SCN9A: variants seen among roughly 807,000 people sequenced by gnomAD.
SCN9A encodes the protein sodium channel protein type 9 subunit alpha.
SCN9A carries 131 observed loss-of-function variants against 187.0 expected under a neutral mutation model. That is an observed-to-expected ratio of 0.70 (90% CI 0.61 to 0.81). SCN9A has a LOEUF of 0.81. Ranked by LOEUF, SCN9A falls within the 30% of genes least tolerant of loss-of-function variation. SCN9A has a pLI of 0.00. For synonymous variants in SCN9A, 809 were observed against 808.6 expected, an observed-to-expected ratio of 1.00 and a Z score of -0.01; for missense variants, 2,252 against 2,396.6, an observed-to-expected ratio of 0.94 and a Z score of 1.26.
chr2:166,211,857 G>A (rs774292536), intron 24 of SCN9A, among the ~76,000 whole-genome samples: 5 of 151,784 alleles, frequency 3.3e-5, no homozygotes, highest in Non-Finnish European at 5.9e-5. Flanking sequence ...GAGAGAAAAA[G>A]ACAGAAAAAA....
intron 17 of SCN9A, among the ~76,000 whole-genome samples, chr2:166,253,928 T>C (rs1696156617): frequency 1.3e-5 from 2 of 151,848 alleles, no homozygotes; most frequent in African/African-American, 2.4e-5. Flanking sequence ...TGATTCTTAT[T>C]TGCAGAATTC....
chr2:166,228,288 G>A (rs576847601), intron 22 of SCN9A, among the ~76,000 whole-genome samples: 2 of 113,498 alleles, frequency 1.8e-5, no homozygotes, highest in African/African-American at 3.7e-5. Flanking sequence ...CAAGAGTCTC[G>A]CTCTGTAGCC....
intron 1 of SCN9A, among the ~76,000 whole-genome samples, chr2:166,365,252 A>G (rs1700386901): frequency 6.6e-6 from 1 of 152,228 alleles, no homozygotes; most frequent in Admixed American, 6.5e-5. Context: ...TTACATATAC[A>G]TAAATAGTAA....
Position 166,288,436 on chromosome 2 carries a change from C to A in SCN9A, c.1314+1G>T, listed in dbSNP as rs1295192882. 1.1e-5 allele frequency: 18 copies of A among 1,604,714 alleles called. No individual in the cohort carries two copies. Among genetic ancestry groups the A allele is most frequent in the Admixed American group, 1.7e-5 (1 of 59,828 alleles). On this transcript the variant is annotated splice_donor_variant, in intron 10 of 26. Coordinates refer to ENST00000642356, the MANE Select transcript of SCN9A (RefSeq NM_001365536.1). LOFTEE classifies it high-confidence loss of function. The stretch of plus-strand genomic sequence containing the variant: ...AAGAATTTTAAATCAAATAACAGTA[C>A]CTCAGCTTCTTCTTGCTCTTTTTTA...
At chr2:166,366,224 GTTTT>G (rs913919627) in intron 1 of SCN9A, among the ~76,000 whole-genome samples, 59 of 152,070 alleles carry the variant, frequency 3.9e-4, no homozygotes, top group African/African-American at 1.4e-3. Flanking sequence ...CTTTAACTTT[GTTTT>G]TTCTTATCTG....
intron 1 of SCN9A, among the ~76,000 whole-genome samples, chr2:166,367,153 A>G (rs539165024): frequency 6.6e-6 from 1 of 152,238 alleles, no homozygotes; most frequent in Admixed American, 6.5e-5. Context: ...ATCCTGCACA[A>G]GATCACTTTG....
At chr2:166,228,247 CTTTTTT>C (rs33924683) in intron 22 of SCN9A, among the ~76,000 whole-genome samples, 2 of 85,994 alleles carry the variant, frequency 2.3e-5, no homozygotes, top group Admixed American at 1.6e-4. Context: ...AAGACCAACA[CTTTTTT>C]TTTTTTTTTT....
At chr2:166,275,437 T>C (rs755862847) in intron 16 of SCN9A, among the ~76,000 whole-genome samples, 1 of 151,780 alleles carries the variant, frequency 6.6e-6, no homozygotes, top group Non-Finnish European at 1.5e-5. Context: ...ATACAAAAAT[T>C]AGCTGGCACG....
chr2:166,353,019 T>TTA (rs1553504740), intron 1 of SCN9A, among the ~76,000 whole-genome samples: 97 of 151,516 alleles, frequency 6.4e-4, no homozygotes, highest in African/African-American at 2.1e-3. Context: ...GTTTTTTTTT[T>TTA]AATTTCTTTC....
chr2:166,217,733 G>C (rs1246038927), intron 24 of SCN9A, among the ~76,000 whole-genome samples: 1 of 152,084 alleles, frequency 6.6e-6, no homozygotes, highest in Non-Finnish European at 1.5e-5. Context: ...TGAGGATGTG[G>C]AGAAATAGGA....
intron 1 of SCN9A, among the ~76,000 whole-genome samples, chr2:166,341,468 A>T (rs1312158380): frequency 6.6e-6 from 1 of 152,218 alleles, no homozygotes; most frequent in Non-Finnish European, 1.5e-5. Context: ...CCGTCTAAGA[A>T]AAGTTAATTT....
rs760665758 is a variant in SCN9A at position 166,199,307 on chromosome 2, C to T, written c.5332G>A (p.Asp1778Asn). 1 of 1,614,180 alleles carries T rather than the reference C, an allele frequency of 6.2e-7. No homozygotes were observed. The highest frequency in any genetic ancestry group is 1.1e-5 in the South Asian group (1 of 91,080). Residue 1778 changes from aspartate to asparagine, a missense_variant, in exon 27 of 27, where the codon GAC becomes AAC. Physicochemically the swap from Asp to Asn is conservative, Grantham distance 23 (BLOSUM62 1). This residue lies in a region of SCN9A where 345 missense variants were observed against 344.6 expected (regional missense o/e 1.00). Coordinates refer to ENST00000642356, the MANE Select transcript of SCN9A (RefSeq NM_001365536.1). ...EESTEPLSED[D>N]FEMFYEVWEK... ...CAAACCTCATAGAACATCTCAAAGTCATCCTCACTCAGAGGTTCAGTACTT... is the reference window on the plus strand; with the variant it reads ...CAAACCTCATAGAACATCTCAAAGTTATCCTCACTCAGAGGTTCAGTACTT...
intron 7 of SCN9A, chr2:166,301,879 G>A (rs1393901714): frequency 6.6e-6 from 1 of 150,750 alleles, no homozygotes; most frequent in Non-Finnish European, 1.5e-5. Context: ...ATCAAATGGT[G>A]GTAGTAAAAA....
At chr2:166,202,178 T>C (rs1373531931) in intron 26 of SCN9A, among the ~76,000 whole-genome samples, 4 of 151,656 alleles carry the variant, frequency 2.6e-5, no homozygotes, top group South Asian at 4.1e-4. Context: ...ATTTTGTTTT[T>C]TTGTGCAGTC....
chr2:166,305,927 A>G lies in SCN9A; in HGVS notation c.468-7T>C, dbSNP rs1320988035. The G allele has an allele frequency of 3.7e-6, 6 of 1,612,394 alleles. No homozygotes were observed. In the African/African-American group the frequency reaches 6.7e-5, roughly 18 times the overall value. ...TATTCCAGTAAAAGTGTACCTAAACACAAGATTCCATTGGGATACTAGATG... is the reference window on the plus strand; with the variant it reads ...TATTCCAGTAAAAGTGTACCTAAACGCAAGATTCCATTGGGATACTAGATG... On this transcript the variant is annotated splice_region_variant and splice_polypyrimidine_tract_variant and intron_variant, in intron 4 of 26. Coordinates refer to ENST00000642356, the MANE Select transcript of SCN9A (RefSeq NM_001365536.1).
chr2:166,255,804 G>A (rs1696246065), intron 17 of SCN9A, among the ~76,000 whole-genome samples: 1 of 151,310 alleles, frequency 6.6e-6, no homozygotes, highest in Non-Finnish European at 1.5e-5. Context: ...AAAAGGAGGA[G>A]ATGGGTATAA....
At chr2:166,260,000 T>C (rs2106439525) in intron 17 of SCN9A, among the ~76,000 whole-genome samples, 1 of 151,996 alleles carries the variant, frequency 6.6e-6, no homozygotes, top group East Asian at 1.9e-4. Flanking sequence ...TAACTGTAAC[T>C]AATCCCTAAA....
intron 21 of SCN9A, among the ~76,000 whole-genome samples, chr2:166,231,123 C>A (rs965189784): frequency 1.2e-4 from 18 of 152,136 alleles, no homozygotes; most frequent in Non-Finnish European, 1.5e-5. Context: ...GAACAAAGAG[C>A]AAACAGAGTT....
In SCN9A at chr2:166,356,497, C is replaced by T. The variant is rs576946641; in HGVS notation, c.-51+19200G>A. Reference sequence around the variant, plus strand: ...GCAGGTTTATGACTCCCATTTTTTCCCCATAAATAGCATTCTTATATTTAT... The same window carrying T: ...GCAGGTTTATGACTCCCATTTTTTCTCCATAAATAGCATTCTTATATTTAT... On this transcript the variant is annotated intron_variant, in intron 1 of 26. Transcript: ENST00000642356. Among the ~76,000 whole-genome samples, 3 of 152,118 alleles carry T rather than the reference C, an allele frequency of 2.0e-5. No individual in the cohort carries two copies. The East Asian group carries it at 5.8e-4, about 30-fold the overall frequency.
Sources: allele counts gnomAD v4.1 joint callset (sites outside exome capture counted in the v4.1 genomes callset), GRCh38; gene constraint gnomAD v4.1.1; regional missense constraint gnomAD v4.1.1; transcripts MANE v1.5; gene names NCBI Gene and HGNC (gene_info 2026-07-23, HGNC 2026-07-21).